The following THADA variants were observed in gnomAD, a reference collection of about 807,000 sequenced individuals.
The protein encoded by THADA is tRNA (32-2'-O)-methyltransferase regulator THADA.
Under a neutral mutation model 219.8 loss-of-function variants are expected in THADA, and 213 were observed. The observed-to-expected ratio is 0.97, with a 90% CI of 0.87 to 1.09. THADA has a LOEUF of 1.09. Among genes scored for constraint, THADA ranks in the 50% least tolerant of loss-of-function variants. THADA has a pLI of 0.00. For missense variants in THADA, 2,956 were observed against 2,311.3 expected (o/e 1.28, Z -5.72); for synonymous variants, 1,018 against 828.9 (o/e 1.23, Z -3.92).
intron 26 of THADA, 39 bp from the exon 27 acceptor site, chr2:43,430,341 C>A: frequency 8.4e-7 from 1 of 1,195,160 alleles, no homozygotes; most frequent in East Asian, 2.5e-5. Flanking sequence ...ATCATTTATT[C>A]CCTTTGATCT....
chr2:43,265,699 A>G (rs1005599545), intron 36 of THADA, among the ~76,000 whole-genome samples: 1 of 152,202 alleles, frequency 6.6e-6, no homozygotes, highest in African/African-American at 2.4e-5. Context: ...AAACACGCCC[A>G]GGCTGTAACT....
rs757991156 is a variant in THADA, at chr2:43,508,657, G to A, written c.3498C>T (p.Phe1166=). 6.2e-7 allele frequency: 1 copy of A among 1,613,184 alleles called. No homozygotes were observed. The highest frequency in any genetic ancestry group is 8.5e-7 in the Non-Finnish European group (1 of 1,179,544). The part of the protein sequence containing the change: ...CATRRSAGIP[F]YIQALLASEP... ...TCCTACAGATAAATACCTGTATGTA[G>A]AAAGGAATTCCAGCACTGCGCCTTG... The change falls in exon 23 of 38, where the codon TTC becomes TTT. Residue 1166 remains phenylalanine, a synonymous_variant. Transcript: ENST00000405975.
At chr2:43,393,926 A>C (rs1006126746) in intron 29 of THADA, among the ~76,000 whole-genome samples, 1 of 152,164 alleles carries the variant, frequency 6.6e-6, no homozygotes, top group African/African-American at 2.4e-5. Context: ...TTGGTGGCCA[A>C]GCTCCTCCTC....
chr2:43,577,520 TG>T (rs1699989805), intron 9 of THADA, among the ~76,000 whole-genome samples: 1 of 151,968 alleles, frequency 6.6e-6, no homozygotes, highest in Non-Finnish European at 1.5e-5. Flanking sequence ...TTTTTTTTTT[TG>T]GTATGTATTT....
Position 43,551,883 on chromosome 2 carries a change from C to T in THADA, c.2853G>A (p.Lys951=), listed in dbSNP as rs371514577. The change falls in exon 19 of 38, where the codon AAG becomes AAA. Residue 951 remains lysine, a synonymous_variant. Transcript: ENST00000405975. ...LVSEWRPVVE[K]LLLMSYRLST... is the part of the protein sequence containing the mutation. Reference sequence around the variant, plus strand: ...AAAGCCTGTAGGACATCAAAAGGAGCTTCTCTACCACAGGTCTCCACTCGC... The same window carrying T: ...AAAGCCTGTAGGACATCAAAAGGAGTTTCTCTACCACAGGTCTCCACTCGC... 8.1e-6 allele frequency: 13 copies of T among 1,613,752 alleles called. No homozygotes were observed. The African/African-American group carries it at 1.3e-4, about 17-fold the overall frequency.
At chr2:43,498,512 A>AAGT in intron 25 of THADA, among the ~76,000 whole-genome samples, 1 of 152,304 alleles carries the variant, frequency 6.6e-6, no homozygotes, top group Admixed American at 6.5e-5. Flanking sequence ...GAAGTGCACT[A>AAGT]TTATTAAGTT....
chr2:43,582,569 C>CT (rs755116429), intron 7 of THADA, among the ~76,000 whole-genome samples: 3,089 of 119,336 alleles, frequency 0.026, 168 homozygotes, highest in African/African-American at 0.075. Flanking sequence ...CCCTCCCTGG[C>CT]TTTTTTTTTT....
intron 25 of THADA, among the ~76,000 whole-genome samples, chr2:43,494,870 C>G (rs1363988666): frequency 6.6e-6 from 1 of 152,122 alleles, no homozygotes; most frequent in Non-Finnish European, 1.5e-5. Flanking sequence ...ATACGAAAGA[C>G]TAAGGAGTCT....
intron 28 of THADA, among the ~76,000 whole-genome samples, chr2:43,415,958 C>A (rs777229132): frequency 6.6e-6 from 1 of 151,882 alleles, no homozygotes; most frequent in South Asian, 2.1e-4. Flanking sequence ...TTAAATCACA[C>A]AGAAAAAAGG....
At chr2:43,491,464 G>C (rs1264939700) in intron 25 of THADA, among the ~76,000 whole-genome samples, 2 of 152,182 alleles carry the variant, frequency 1.3e-5, no homozygotes, top group African/African-American at 2.4e-5. Context: ...TAGCTGTAAT[G>C]AACCACAAAA....
At chr2:43,453,384 A>G (rs1287576774) in intron 26 of THADA, among the ~76,000 whole-genome samples, 1 of 152,202 alleles carries the variant, frequency 6.6e-6, no homozygotes, top group Non-Finnish European at 1.5e-5. Context: ...TTCCAGACGG[A>G]GAGGGAAAGC....
At chr2:43,305,481 C>T (rs1481869126) in intron 31 of THADA, among the ~76,000 whole-genome samples, 2 of 152,140 alleles carry the variant, frequency 1.3e-5, no homozygotes, top group Non-Finnish European at 2.9e-5. Flanking sequence ...ACAGGTGTGG[C>T]CCCCATCACA....
At chr2:43,296,285 AT>A (rs1675374200) in intron 31 of THADA, among the ~76,000 whole-genome samples, 1 of 147,496 alleles carries the variant, frequency 6.8e-6, no homozygotes, top group Non-Finnish European at 1.5e-5. Flanking sequence ...TTATTTTTTT[AT>A]TTTTTTGGAG....
At chr2:43,529,837 G>C (rs1033155448) in intron 21 of THADA, among the ~76,000 whole-genome samples, 3 of 152,172 alleles carry the variant, frequency 2.0e-5, no homozygotes, top group African/African-American at 7.2e-5. Flanking sequence ...AGTAGAATAA[G>C]TAGTTAAACA....
intron 31 of THADA, among the ~76,000 whole-genome samples, chr2:43,318,960 C>G (rs1397701835): frequency 6.6e-6 from 1 of 152,106 alleles, no homozygotes; most frequent in Non-Finnish European, 1.5e-5. Context: ...AAACTCAGTT[C>G]AAATAAACTA....
chr2:43,375,837 T>G (rs1278755486), intron 29 of THADA, among the ~76,000 whole-genome samples: 1 of 152,132 alleles, frequency 6.6e-6, no homozygotes, highest in Non-Finnish European at 1.5e-5. Flanking sequence ...CAAAGGAAAA[T>G]CAGCCCAGGG....
At chr2:43,390,386 C>T (rs1673220565) in intron 29 of THADA, among the ~76,000 whole-genome samples, 1 of 152,136 alleles carries the variant, frequency 6.6e-6, no homozygotes, top group South Asian at 2.1e-4. Flanking sequence ...AGTTGGTATA[C>T]CTGCTTACAA....
chr2:43,535,639 G>A (rs1340081454), intron 21 of THADA, among the ~76,000 whole-genome samples: 2 of 117,782 alleles, frequency 1.7e-5, no homozygotes, highest in Non-Finnish European at 3.2e-5. Context: ...CCGAGACAGC[G>A]CCACTGCACT....
chr2:43,368,745 T>C (rs1321827085), intron 29 of THADA, among the ~76,000 whole-genome samples: 1 of 152,118 alleles, frequency 6.6e-6, no homozygotes, highest in African/African-American at 2.4e-5. Flanking sequence ...TTAATTTACC[T>C]ATACTGAAAC....
Sources: allele counts gnomAD v4.1 joint callset (sites outside exome capture counted in the v4.1 genomes callset), GRCh38; gene constraint gnomAD v4.1.1; transcripts MANE v1.5; gene names NCBI Gene and HGNC (gene_info 2026-07-23, HGNC 2026-07-21).